The following PLXNA4 variants were observed in gnomAD, a reference collection of about 807,000 sequenced individuals.
PLXNA4 encodes plexin-A4.
In PLXNA4, 44 loss-of-function variants were observed where a neutral mutation model predicts 191.8. That is an observed-to-expected ratio of 0.23 (90% CI 0.18 to 0.29). PLXNA4 has a LOEUF of 0.29. Ranked by LOEUF, PLXNA4 falls within the 10% of genes least tolerant of loss-of-function variation. PLXNA4 has a pLI of 1.00. For missense variants in PLXNA4, 1,800 were observed against 2,488.8 expected (o/e 0.72, Z 5.89); for synonymous variants, 1,082 against 1,009.5 (o/e 1.07, Z -1.36).
chr7:132,231,134 A>G (rs1798510184), intron 5 of PLXNA4, among the ~76,000 whole-genome samples: 1 of 152,174 alleles, frequency 6.6e-6, no homozygotes, highest in African/African-American at 2.4e-5. Context: ...ACAATTTTAA[A>G]CATCACTGTA....
intron 3 of PLXNA4, among the ~76,000 whole-genome samples, chr7:132,414,708 A>G (rs1794595784): frequency 6.6e-6 from 1 of 152,178 alleles, no homozygotes. Context: ...GTGGATTCCT[A>G]TAGCCCAACA....
chr7:132,563,493 CT>C (rs1436439679), intron 1 of PLXNA4, among the ~76,000 whole-genome samples: 4 of 93,356 alleles, frequency 4.3e-5, no homozygotes, highest in Non-Finnish European at 6.7e-5. Flanking sequence ...CCTCCTCCTC[CT>C]TCTCCTCCTC....
chr7:132,311,841 T>C (rs1464862996), intron 3 of PLXNA4, among the ~76,000 whole-genome samples: 1 of 152,088 alleles, frequency 6.6e-6, no homozygotes, highest in Non-Finnish European at 1.5e-5. Context: ...CCAAAGAGAC[T>C]GTGGGGACAG....
At chr7:132,556,757 G>C (rs533474526) in intron 1 of PLXNA4, among the ~76,000 whole-genome samples, 1 of 152,184 alleles carries the variant, frequency 6.6e-6, no homozygotes, top group Non-Finnish European at 1.5e-5. Flanking sequence ...ACTTTTATCC[G>C]TAAGTTGAAT....
At chr7:132,393,532 G>A (rs954440837) in intron 3 of PLXNA4, among the ~76,000 whole-genome samples, 3 of 152,168 alleles carry the variant, frequency 2.0e-5, no homozygotes, top group Non-Finnish European at 4.4e-5. Context: ...TCCTACTTTT[G>A]TTAGCTAAAC....
At chr7:132,222,441 G>A (rs1798177514) in intron 9 of PLXNA4, among the ~76,000 whole-genome samples, 1 of 152,138 alleles carries the variant, frequency 6.6e-6, no homozygotes, top group Non-Finnish European at 1.5e-5. Context: ...CACTTGATGG[G>A]CCTGTGTGTT....
intron 3 of PLXNA4, among the ~76,000 whole-genome samples, chr7:132,385,713 C>A (rs1304913381): frequency 6.6e-6 from 1 of 152,228 alleles, no homozygotes; most frequent in Admixed American, 6.5e-5. Context: ...CAAGTGCATG[C>A]GCGCACACAC....
intron 3 of PLXNA4, among the ~76,000 whole-genome samples, chr7:132,316,686 C>A (rs1455000287): frequency 1.3e-5 from 2 of 152,172 alleles, no homozygotes; most frequent in East Asian, 3.8e-4. Context: ...TGGGAAATGA[C>A]TCTCCAAATT....
rs566425348 is a variant in PLXNA4, at chr7:132,449,201, C to T, written c.1371+40091G>A. Among the ~76,000 whole-genome samples, 67 of 152,338 alleles carry T rather than the reference C, an allele frequency of 4.4e-4. 1 individual carries two copies. Among genetic ancestry groups the T allele is most frequent in the African/African-American group, 1.5e-3 (63 of 41,580 alleles). On this transcript the variant is annotated intron_variant, in intron 3 of 31. Coordinates refer to ENST00000321063, the MANE Select transcript of PLXNA4 (RefSeq NM_020911.2). The stretch of plus-strand genomic sequence containing the variant: ...CTCACACCCCTGGCTCTACTCATTC[C>T]TGTATTGTCCAGTTGGATGGCTTTG...
chr7:132,428,532 G>A (rs746720901), intron 3 of PLXNA4, among the ~76,000 whole-genome samples: 2 of 152,302 alleles, frequency 1.3e-5, no homozygotes, highest in East Asian at 1.9e-4. Flanking sequence ...GAGAGCAGGC[G>A]GGAGATTTAT....
At chr7:132,156,342 A>G (rs924262585) in intron 25 of PLXNA4, among the ~76,000 whole-genome samples, 2 of 152,170 alleles carry the variant, frequency 1.3e-5, no homozygotes, top group Non-Finnish European at 2.9e-5. Context: ...ATGAATAGAC[A>G]TGTCAGGAGT....
chr7:132,383,778 C>T (rs1054533484), intron 3 of PLXNA4: 23 of 985,110 alleles, frequency 2.3e-5, no homozygotes, highest in African/African-American at 3.5e-5. Context: ...AAAAAATTGT[C>T]ACCAGTTCAA....
intron 22 of PLXNA4, among the ~76,000 whole-genome samples, chr7:132,168,063 C>T (rs766277379): frequency 5.3e-5 from 8 of 152,150 alleles, no homozygotes; most frequent in South Asian, 2.1e-4. Flanking sequence ...AATGGAGATT[C>T]GACAAAGGGG....
intron 3 of PLXNA4, among the ~76,000 whole-genome samples, chr7:132,349,946 A>G (rs1803415670): frequency 1.3e-5 from 2 of 152,120 alleles, no homozygotes; most frequent in Non-Finnish European, 2.9e-5. Flanking sequence ...CCATTGTACC[A>G]TCCCAAAAAT....
chr7:132,299,095 A>C (rs1469450149), intron 3 of PLXNA4, among the ~76,000 whole-genome samples: 1 of 152,224 alleles, frequency 6.6e-6, no homozygotes, highest in African/African-American at 2.4e-5. Context: ...GTTTGAGTGC[A>C]TAGATCCAAC....
intron 2 of PLXNA4, among the ~76,000 whole-genome samples, chr7:132,588,730 AAAAG>A (rs1383898913): frequency 6.7e-6 from 1 of 150,160 alleles, no homozygotes; most frequent in Non-Finnish European, 1.5e-5. Flanking sequence ...GGAAAAGAAA[AAAAG>A]AAAAAGAAAG....
intron 21 of PLXNA4, among the ~76,000 whole-genome samples, chr7:132,171,480 G>C (rs978152730): frequency 6.6e-6 from 1 of 152,176 alleles, no homozygotes; most frequent in Non-Finnish European, 1.5e-5. Flanking sequence ...AAGCCTTCCC[G>C]TGCAGGGCCT....
chr7:132,610,817 A>T (rs928998265), intron 2 of PLXNA4, among the ~76,000 whole-genome samples: 2 of 152,184 alleles, frequency 1.3e-5, no homozygotes, highest in African/African-American at 4.8e-5. Context: ...AACCACCCAT[A>T]TAGCACAGCG....
chr7:132,435,048 T>A (rs1436865903), intron 3 of PLXNA4, among the ~76,000 whole-genome samples: 1 of 152,146 alleles, frequency 6.6e-6, no homozygotes, highest in East Asian at 1.9e-4. Flanking sequence ...AGGACACTTG[T>A]TGGGGAGTCA....
Sources: allele counts gnomAD v4.1 joint callset (sites outside exome capture counted in the v4.1 genomes callset), GRCh38; gene constraint gnomAD v4.1.1; transcripts MANE v1.5; gene names NCBI Gene and HGNC (gene_info 2026-07-23, HGNC 2026-07-21).